The following GREB1L variants were observed in gnomAD, a reference collection of about 807,000 sequenced individuals.
The protein encoded by GREB1L is GREB1 like retinoic acid receptor coactivator.
Under a neutral mutation model 200.8 loss-of-function variants are expected in GREB1L, and 17 were observed. The ratio of observed to expected loss-of-function variants is 0.08; its 90% confidence interval spans 0.06 to 0.13. The LOEUF (loss-of-function observed/expected upper bound fraction) is 0.13, where lower values mean the gene tolerates loss of function less well. Ranked by LOEUF, GREB1L falls within the 10% of genes least tolerant of loss-of-function variation. The pLI, the probability that GREB1L is intolerant of heterozygous loss-of-function variation, is 1.00. For missense variants in GREB1L, 1,657 were observed against 2,367.7 expected (o/e 0.70, Z 6.23); for synonymous variants, 789 against 893.0 (o/e 0.88, Z 2.08).
intron 1 of GREB1L, among the ~76,000 whole-genome samples, chr18:21,243,993 A>G (rs1290486401): frequency 6.6e-6 from 1 of 152,230 alleles, no homozygotes; most frequent in Non-Finnish European, 1.5e-5. Context: ...ATGGAATTAC[A>G]TTATAGATGA....
intron 32 of GREB1L, among the ~76,000 whole-genome samples, chr18:21,521,191 C>T (rs1009437580): frequency 2.6e-5 from 4 of 151,470 alleles, no homozygotes; most frequent in African/African-American, 4.8e-5. Context: ...AGCAAGACTC[C>T]GTCTCAAAAA....
chr18:21,494,477 CTT>C (rs2036465612), intron 19 of GREB1L, among the ~76,000 whole-genome samples: 1 of 152,094 alleles, frequency 6.6e-6, no homozygotes, highest in Non-Finnish European at 1.5e-5. Context: ...TGCTTGGTGA[CTT>C]TCTTTTTATC....
At chr18:21,448,173 A>G (rs1024140273) in intron 11 of GREB1L, among the ~76,000 whole-genome samples, 1 of 113,570 alleles carries the variant, frequency 8.8e-6, no homozygotes, top group African/African-American at 2.9e-5. Flanking sequence ...AAAAAAAAAA[A>G]GCAGCAGCAG....
At chr18:21,298,058 A>G (rs1473996482) in intron 1 of GREB1L, among the ~76,000 whole-genome samples, 1 of 152,124 alleles carries the variant, frequency 6.6e-6, no homozygotes, top group Non-Finnish European at 1.5e-5. Context: ...TGGAATCAGG[A>G]CTATATACTC....
chr18:21,367,160 G>A (rs2039708149), intron 2 of GREB1L, among the ~76,000 whole-genome samples: 1 of 152,184 alleles, frequency 6.6e-6, no homozygotes, highest in Non-Finnish European at 1.5e-5. Context: ...AGTAAAAGGA[G>A]CAGCCTCCTA....
intron 30 of GREB1L, among the ~76,000 whole-genome samples, chr18:21,517,826 G>A (rs193123084): frequency 4.6e-5 from 7 of 152,190 alleles, no homozygotes; most frequent in East Asian, 1.9e-4. Flanking sequence ...TTCTGCCCTC[G>A]CTGTGTGTAA....
At position 21,336,747 on chromosome 18, in the gene GREB1L, T is replaced by C. The variant is rs2039191446; in HGVS notation, c.-119-29280T>C. Among the ~76,000 whole-genome samples the C allele has an allele frequency of 2.0e-5, 3 of 152,202 alleles. No individual in the cohort carries two copies. In the South Asian group the frequency reaches 6.2e-4, roughly 32 times the overall value. On this transcript the variant is annotated intron_variant, in intron 1 of 32. Coordinates refer to ENST00000424526, the MANE Select transcript of GREB1L (RefSeq NM_001142966.3). ...ACTTTAGCAAGCCAGAGCACGATGC[T>C]ATAGGCAGCGGCACCATGATTTCTC...
chr18:21,260,381 C>T (rs1396602556), intron 1 of GREB1L, among the ~76,000 whole-genome samples: 1 of 151,660 alleles, frequency 6.6e-6, no homozygotes, highest in African/African-American at 2.4e-5. Context: ...AAAGAAGATA[C>T]ATATTAAGGA....
At chr18:21,390,080 C>A (rs2040732114) in intron 4 of GREB1L, among the ~76,000 whole-genome samples, 1 of 152,058 alleles carries the variant, frequency 6.6e-6, no homozygotes, top group Admixed American at 6.6e-5. Context: ...ATGTCTGTTG[C>A]CTGATGACAC....
chr18:21,433,954 A>G (rs1243012244), intron 7 of GREB1L, among the ~76,000 whole-genome samples: 1 of 152,172 alleles, frequency 6.6e-6, no homozygotes, highest in African/African-American at 2.4e-5. Flanking sequence ...CTGTCTCTGA[A>G]ATAGAATGTG....
chr18:21,429,982 G>C (rs775875256), intron 7 of GREB1L, among the ~76,000 whole-genome samples: 1 of 152,140 alleles, frequency 6.6e-6, no homozygotes, highest in Non-Finnish European at 1.5e-5. Context: ...CTCTCTCCTT[G>C]ACTTGCAGAT....
chr18:21,373,683 A>G (rs1429869717), intron 2 of GREB1L, among the ~76,000 whole-genome samples: 3 of 152,144 alleles, frequency 2.0e-5, no homozygotes, highest in Non-Finnish European at 4.4e-5. Context: ...AAAAAATTCA[A>G]ACTCTCAATA....
chr18:21,411,370 C>G (rs370790788), intron 7 of GREB1L, among the ~76,000 whole-genome samples: 1 of 152,110 alleles, frequency 6.6e-6, no homozygotes, highest in Non-Finnish European at 1.5e-5. Flanking sequence ...CCATGGCCAG[C>G]TAATTTTTTG....
At chr18:21,466,374 A>G (rs2035263122) in intron 15 of GREB1L, among the ~76,000 whole-genome samples, 2 of 152,108 alleles carry the variant, frequency 1.3e-5, no homozygotes, top group African/African-American at 4.8e-5. Context: ...CCCACCTGCA[A>G]TGTATGTGCT....
At chr18:21,372,610 T>C (rs1166854260) in intron 2 of GREB1L, among the ~76,000 whole-genome samples, 3 of 152,108 alleles carry the variant, frequency 2.0e-5, no homozygotes, top group Admixed American at 2.0e-4. Context: ...CCAACACAAA[T>C]TTGTAAACTT....
intron 11 of GREB1L, among the ~76,000 whole-genome samples, chr18:21,449,266 A>T (rs1365164786): frequency 6.6e-6 from 1 of 152,230 alleles, no homozygotes; most frequent in Non-Finnish European, 1.5e-5. Context: ...TTTTAAAGAG[A>T]TCAGGAATAC....
At position 21,499,822 on chromosome 18, in the gene GREB1L, G is replaced by C; in HGVS notation, c.3485G>C (p.Ser1162Thr). The change falls in exon 22 of 33, where the codon AGC (serine) becomes ACC (threonine). Residue 1162 changes from serine (S) to threonine (T), a missense_variant. This residue lies in a region of GREB1L where 512 missense variants were observed against 668.3 expected (regional missense o/e 0.77). Coordinates refer to ENST00000424526, the MANE Select transcript of GREB1L (RefSeq NM_001142966.3). ...CCCAGCTTTCAGAGCCCAGCCACCA[G>C]CTTGGGGCTGGATGAAGGGGTCTCC... Reference protein sequence around the residue: ...LTPSFQSPATSLGLDEGVSAS... With the variant: ...LTPSFQSPATTLGLDEGVSAS... 1 of 1,551,866 alleles carries C rather than the reference G, an allele frequency of 6.4e-7. No homozygotes were observed. The highest frequency in any genetic ancestry group is 8.7e-7 in the Non-Finnish European group (1 of 1,147,022).
Position 21,306,745 on chromosome 18 carries a change from A to C in GREB1L, c.-119-59282A>C, listed in dbSNP as rs116629736. Reference sequence around the variant, plus strand: ...CCAGGAATTAATGAACATGTAGATAATGACAACTTACTATTTCTTTTGTGA... The same window carrying C: ...CCAGGAATTAATGAACATGTAGATACTGACAACTTACTATTTCTTTTGTGA... On this transcript the variant is annotated intron_variant, in intron 1 of 32. Coordinates refer to ENST00000424526, the MANE Select transcript of GREB1L (RefSeq NM_001142966.3). 4.0e-3 allele frequency among the ~76,000 whole-genome samples: 612 copies of C among 152,370 alleles called. 4 individuals are homozygous for C. The highest frequency in any genetic ancestry group is 0.014 in the African/African-American group (584 of 41,588).
intron 15 of GREB1L, among the ~76,000 whole-genome samples, chr18:21,464,326 G>A (rs1448817377): frequency 2.0e-5 from 3 of 151,928 alleles, no homozygotes; most frequent in African/African-American, 4.8e-5. Flanking sequence ...TCAAGAGATC[G>A]AGACTATCCT....
Sources: allele counts gnomAD v4.1 joint callset (sites outside exome capture counted in the v4.1 genomes callset), GRCh38; gene constraint gnomAD v4.1.1; regional missense constraint gnomAD v4.1.1; transcripts MANE v1.5; gene names NCBI Gene and HGNC (gene_info 2026-07-23, HGNC 2026-07-21).